Variants in HERC6 observed in about 807,000 individuals in gnomAD.
The protein encoded by HERC6 is HECT and RLD domain containing E3 ubiquitin protein ligase family member 6, also known as probable E3 ubiquitin-protein ligase HERC6.
Under a neutral mutation model 114.5 loss-of-function variants are expected in HERC6, and 101 were observed. The observed-to-expected ratio is 0.88, with a 90% CI of 0.75 to 1.04. HERC6 has a LOEUF of 1.04. Among genes scored for constraint, HERC6 ranks in the 50% least tolerant of loss-of-function variants. The pLI, the probability that HERC6 is intolerant of heterozygous loss-of-function variation, is 0.00. For synonymous variants in HERC6, 408 were observed against 436.2 expected, an observed-to-expected ratio of 0.94 and a Z score of 0.81; for missense variants, 1,133 against 1,230.9, an observed-to-expected ratio of 0.92 and a Z score of 1.19.
Position 88,428,703 on chromosome 4 carries a change from C to A in HERC6, c.2059C>A (p.Arg687Ser), listed in dbSNP as rs750258132. ...AAGTCGCCTGGTTAAAGATGCTCTG[C>A]GTCAATTAAGTCAAGCTGAAGCTAC... ...RRSRLVKDAL[R>S]QLSQAEATDF... The change falls in exon 16 of 23, where the codon CGT becomes AGT. Residue 687 changes from arginine to serine, a missense_variant. Transcript: ENST00000264346. The A allele has an allele frequency of 1.9e-6, 3 of 1,593,900 alleles. No individual in the cohort carries two copies. The highest frequency in any genetic ancestry group is 2.6e-6 in the Non-Finnish European group (3 of 1,171,198).
intron 8 of HERC6, among the ~76,000 whole-genome samples, chr4:88,402,746 C>G (rs769724855): frequency 1.3e-5 from 2 of 152,168 alleles, no homozygotes; most frequent in Non-Finnish European, 2.9e-5. Flanking sequence ...AGGCAGATGA[C>G]ATAGTCTCAT....
intron 13 of HERC6, among the ~76,000 whole-genome samples, chr4:88,420,243 A>G (rs1736894471): frequency 6.6e-6 from 1 of 152,206 alleles, no homozygotes; most frequent in Non-Finnish European, 1.5e-5. Context: ...TACCTGTATA[A>G]CACCGTACAA....
intron 19 of HERC6, among the ~76,000 whole-genome samples, 170 bp downstream of exon 19, chr4:88,437,141 C>T (rs545415924): frequency 2.6e-5 from 4 of 152,032 alleles, no homozygotes; most frequent in African/African-American, 7.2e-5. Context: ...ACTGCAGCCT[C>T]CGCCTCCTGG....
At chr4:88,392,694 A>G (rs950679604) in intron 4 of HERC6, among the ~76,000 whole-genome samples, 1 of 152,190 alleles carries the variant, frequency 6.6e-6, no homozygotes, top group Admixed American at 6.5e-5. Flanking sequence ...TACCAAAACC[A>G]CAACCTTGCA....
At chr4:88,413,036 A>G (rs1214216723) in intron 11 of HERC6, 41 bp from the exon 12 acceptor site, 1 of 1,433,028 alleles carries the variant, frequency 7.0e-7, no homozygotes, top group Non-Finnish European at 9.6e-7. Context: ...TCTGTATCTA[A>G]TATATCCTGG....
intron 17 of HERC6, among the ~76,000 whole-genome samples, chr4:88,433,780 T>C (rs1211487190): frequency 1.3e-5 from 2 of 152,236 alleles, no homozygotes; most frequent in East Asian, 1.9e-4. Context: ...GGCATATTTA[T>C]TAGTCCCCTT....
At position 88,428,708 on chromosome 4, in the gene HERC6, A is replaced by C; in HGVS notation, c.2064A>C (p.Gln688His). 6.3e-7 allele frequency: 1 copy of C among 1,593,038 alleles called. No individual in the cohort carries two copies. The highest frequency in any genetic ancestry group is 1.3e-5 in the African/African-American group (1 of 74,434). ...RSRLVKDALRQLSQAEATDFC... is the reference protein window; with the variant it reads ...RSRLVKDALRHLSQAEATDFC... ...GCCTGGTTAAAGATGCTCTGCGTCA[A>C]TTAAGTCAAGCTGAAGCTACTGACT... The change falls in exon 16 of 23, where the codon CAA becomes CAC. Residue 688 changes from glutamine to histidine, a missense_variant. This residue lies in a region of HERC6 where 388 missense variants were observed against 445.9 expected (regional missense o/e 0.87). Transcript: ENST00000264346.
In HERC6 at chr4:88,416,607, ATTATT is replaced by A. The variant is rs554614666; in HGVS notation, c.1559-810_1559-806del. Among the ~76,000 whole-genome samples, 4 of 152,020 alleles carry A rather than the reference ATTATT, an allele frequency of 2.6e-5. No homozygotes were observed. The South Asian group carries it at 6.2e-4, about 24-fold the overall frequency. ...TTCCCATCCTCCTGCTGTAATTGTTATTATTTTATTTTTATATTTAAATATTTGAT... is the reference window on the plus strand; with the variant it reads ...TTCCCATCCTCCTGCTGTAATTGTTATTATTTTTATATTTAAATATTTGAT... On this transcript the variant is annotated intron_variant, in intron 12 of 22. Transcript: ENST00000264346.
intron 20 of HERC6, 87 bp downstream of exon 20, chr4:88,437,868 A>G: frequency 9.9e-7 from 1 of 1,012,202 alleles, no homozygotes; most frequent in Admixed American, 2.1e-5. Flanking sequence ...ATTTTTAAAT[A>G]TGGTTCACAC....
chr4:88,398,582 C>G (rs17014122), intron 8 of HERC6: 26,911 of 159,214 alleles, frequency 0.17, 2,614 homozygotes, highest in Admixed American at 0.21. Context: ...CTGACATGTC[C>G]TGGAGGGAAT....
intron 1 of HERC6, 38 bp from the exon 2 acceptor site, chr4:88,383,183 A>G: frequency 6.3e-7 from 1 of 1,595,080 alleles, no homozygotes; most frequent in African/African-American, 1.3e-5. Flanking sequence ...AATAATCTGC[A>G]GTGGTGGTTG....
chr4:88,440,173 A>G lies in HERC6; in HGVS notation c.2765A>G (p.Gln922Arg). 2 of 1,608,670 alleles carry G rather than the reference A, an allele frequency of 1.2e-6. No homozygotes were observed. The highest frequency in any genetic ancestry group is 1.7e-6 in the Non-Finnish European group (2 of 1,176,632). ...EQNSKYEQGY[Q>R]KSHPTIQLFW... is the part of the protein sequence containing the mutation. Reference sequence around the variant, plus strand: ...AATTCAAAGTATGAGCAAGGATACCAAAAATCACATCCTACTATACAGTTG... The same window carrying G: ...AATTCAAAGTATGAGCAAGGATACCGAAAATCACATCCTACTATACAGTTG... Residue 922 changes from glutamine to arginine, a missense_variant, in exon 22 of 23, where the codon CAA becomes CGA. By Grantham distance (43) the Gln-to-Arg change is conservative. Coordinates refer to ENST00000264346, the MANE Select transcript of HERC6 (RefSeq NM_017912.4).
rs376452311 is a variant in HERC6, at chr4:88,396,938, G to A, written c.975G>A (p.Pro325=). 33 of 1,612,442 alleles carry A rather than the reference G, an allele frequency of 2.0e-5. No individual in the cohort carries two copies. Among genetic ancestry groups the A allele is most frequent in the African/African-American group, 8.0e-5 (6 of 74,962 alleles). ...GTGACACAAGCAAGCCAACTCATCC[G>A]GAGGCCCTGACAGAGAACTTTGACA... The part of the protein sequence containing the change: ...GPSDTSKPTH[P]EALTENFDIS... The change falls in exon 7 of 23, where the codon CCG becomes CCA. Residue 325 remains proline (P), a synonymous_variant. Coordinates refer to ENST00000264346, the MANE Select transcript of HERC6 (RefSeq NM_017912.4).
At chr4:88,405,158 A>G in intron 9 of HERC6, 161 bp downstream of exon 9, 2 of 797,082 alleles carry the variant, frequency 2.5e-6, no homozygotes, top group Non-Finnish European at 3.8e-6. Context: ...CAGTGTACTC[A>G]TTTACAGATA....
In HERC6 at chr4:88,442,733, C is replaced by T. The variant is rs962750525; in HGVS notation, c.*273C>T. 1 of 470,084 alleles carries T rather than the reference C, an allele frequency of 2.1e-6. No individual in the cohort carries two copies. Among genetic ancestry groups the T allele is most frequent in the Admixed American group, 3.4e-5 (1 of 29,472 alleles). 29.1% of individuals were successfully genotyped at this position (470,084 alleles called of 1,614,324 possible). A position where few individuals can be genotyped will look rare whatever the true frequency, so the allele number is the denominator to read the frequency against. ...AACACTGGCCTGTGATTGGTCCATT[C>T]CAGGACCTTCATTTGCATAAGGTAT... is the stretch of plus-strand genomic sequence containing the variant. On this transcript the variant is annotated 3_prime_UTR_variant, in exon 23 of 23. Transcript: ENST00000264346.
At chr4:88,395,682 T>C (rs1375159242) in intron 5 of HERC6, among the ~76,000 whole-genome samples, 2 of 152,008 alleles carry the variant, frequency 1.3e-5, no homozygotes, top group African/African-American at 4.8e-5. Context: ...GAAATGCTAA[T>C]GATTTTTTTT....
intron 2 of HERC6, among the ~76,000 whole-genome samples, chr4:88,384,769 C>T (rs954087837): frequency 3.3e-5 from 5 of 152,114 alleles, no homozygotes; most frequent in Non-Finnish European, 5.9e-5. Context: ...CCTGTAATCC[C>T]AGCACTTTGG....
At chr4:88,397,858 A>G (rs1259994042) in intron 7 of HERC6, among the ~76,000 whole-genome samples, 2 of 152,190 alleles carry the variant, frequency 1.3e-5, no homozygotes, top group Non-Finnish European at 2.9e-5. Flanking sequence ...ATTTAATCAA[A>G]TCTCTTCTAA....
chr4:88,416,920 C>T (rs1227936843), intron 12 of HERC6, among the ~76,000 whole-genome samples: 2 of 152,024 alleles, frequency 1.3e-5, no homozygotes, highest in East Asian at 3.8e-4. Flanking sequence ...TTCCACATTC[C>T]AAATCCATGT....
Sources: allele counts gnomAD v4.1 joint callset (sites outside exome capture counted in the v4.1 genomes callset), GRCh38; gene constraint gnomAD v4.1.1; regional missense constraint gnomAD v4.1.1; transcripts MANE v1.5; gene names NCBI Gene and HGNC (gene_info 2026-07-23, HGNC 2026-07-21).